Variants in CLDN14 observed in about 807,000 individuals in gnomAD.
CLDN14 encodes claudin 14, also known as claudin-14.
Under a neutral mutation model 2.1 loss-of-function variants are expected in CLDN14, and 2 were observed. The observed-to-expected ratio is 0.96, with a 90% CI of 0.39 to 3.01. The LOEUF (loss-of-function observed/expected upper bound fraction) is 3.01. CLDN14 is among the 30% of genes most tolerant of loss of function. The pLI is 0.09. For synonymous variants in CLDN14, 136 were observed against 154.4 expected (o/e 0.88, Z 0.88); for missense variants, 298 against 328.0 (o/e 0.91, Z 0.71).
intron 1 of CLDN14, among the ~76,000 whole-genome samples, chr21:36,472,277 A>G (rs762285429): frequency 6.6e-6 from 1 of 152,290 alleles, no homozygotes; most frequent in East Asian, 1.9e-4. Flanking sequence ...GTCAGTTTCT[A>G]TATTCAGGTG....
intron 2 of CLDN14, among the ~76,000 whole-genome samples, chr21:36,491,830 G>A (rs1395127258): frequency 6.6e-6 from 1 of 152,092 alleles, no homozygotes; most frequent in Admixed American, 6.6e-5. Flanking sequence ...TGGACAGGCC[G>A]CCTCTCTTCC....
chr21:36,570,912 G>T (rs1215262690), intron 1 of CLDN14, among the ~76,000 whole-genome samples: 2 of 152,198 alleles, frequency 1.3e-5, no homozygotes, highest in African/African-American at 4.8e-5. Context: ...CGTGATCTTA[G>T]CTCACTGCAA....
intron 1 of CLDN14, among the ~76,000 whole-genome samples, chr21:36,513,902 G>A (rs1019814270): frequency 5.9e-5 from 9 of 152,080 alleles, no homozygotes; most frequent in Non-Finnish European, 1.2e-4. Context: ...CACGACCTCC[G>A]CTCGCTGCAG....
In CLDN14 at chr21:36,551,211, C is replaced by A. The variant is rs1002213525; in HGVS notation, c.-220+25200G>T. On this transcript the variant is annotated intron_variant, in intron 1 of 2. Transcript: ENST00000342108. The surrounding 1 kb of genome is among the most constrained non-coding windows in gnomAD (Gnocchi z 4.8). The stretch of plus-strand genomic sequence containing the variant: ...ACAATAAATCTCTTGTACTTTGTTA[C>A]AACTGTCCTTAGCAAACAAATCCAG... Among the ~76,000 whole-genome samples, 2 of 152,242 alleles carry A rather than the reference C, an allele frequency of 1.3e-5. No individual in the cohort carries two copies. The highest frequency in any genetic ancestry group is 2.9e-5 in the Non-Finnish European group (2 of 68,050).
chr21:36,550,409 T>G (rs9983786), intron 1 of CLDN14, among the ~76,000 whole-genome samples: 21,559 of 152,128 alleles, frequency 0.14, 1,779 homozygotes, highest in Non-Finnish European at 0.19. Context: ...GGTGTGGAAA[T>G]AGAGCTCAGG....
intron 1 of CLDN14, among the ~76,000 whole-genome samples, chr21:36,563,670 G>A (rs1259653061): frequency 6.6e-6 from 1 of 152,190 alleles, no homozygotes; most frequent in African/African-American, 2.4e-5. Flanking sequence ...ATTAGAAAAT[G>A]TTGGCTCCCA....
intron 2 of CLDN14, among the ~76,000 whole-genome samples, chr21:36,494,392 C>T (rs1354744345): frequency 6.6e-6 from 1 of 152,180 alleles, no homozygotes; most frequent in Non-Finnish European, 1.5e-5. Context: ...GAGAGGGTCT[C>T]ACGAGGAGGA....
At chr21:36,482,720 G>A (rs919431368), upstream of CLDN14, among the ~76,000 whole-genome samples, 8 of 152,154 alleles carry the variant, frequency 5.3e-5, no homozygotes, top group African/African-American at 1.9e-4. Context: ...TAACTTGCTA[G>A]AGTAAAGGTT....
At chr21:36,502,775 G>A (rs2087101766) in intron 2 of CLDN14, among the ~76,000 whole-genome samples, 1 of 152,268 alleles carries the variant, frequency 6.6e-6, no homozygotes, top group East Asian at 1.9e-4. Context: ...ATAAAGATAC[G>A]AGTTGTCTAC....
rs988384648 is a variant in CLDN14, at chr21:36,551,089, G to T, written c.-220+25322C>A. Among the ~76,000 whole-genome samples, 1 of 152,196 alleles carries T rather than the reference G, an allele frequency of 6.6e-6. No individual in the cohort carries two copies. Among genetic ancestry groups the T allele is most frequent in the African/African-American group, 2.4e-5 (1 of 41,464 alleles). The stretch of plus-strand genomic sequence containing the variant: ...GTGGCCAGCCGGCAGCCACCAGAGT[G>T]GGGAGGGGGCACGGAACAGACTCCC... On this transcript the variant is annotated intron_variant, in intron 1 of 2. Coordinates refer to the CLDN14 transcript ENST00000342108. This position sits in a 1 kb window ranked among gnomAD's most constrained non-coding sequence, Gnocchi z 4.8.
intron 1 of CLDN14, among the ~76,000 whole-genome samples, chr21:36,465,068 A>G (rs977184833): frequency 2.0e-5 from 3 of 152,140 alleles, no homozygotes; most frequent in African/African-American, 7.2e-5. Context: ...AGGGACCTTC[A>G]GGGCTGAAAC....
intron 1 of CLDN14, among the ~76,000 whole-genome samples, chr21:36,467,582 C>T (rs910089593): frequency 6.6e-6 from 1 of 152,010 alleles, no homozygotes; most frequent in African/African-American, 2.4e-5. Context: ...AGTGATTTTA[C>T]TGCAAGTTCT....
intron 1 of CLDN14, among the ~76,000 whole-genome samples, chr21:36,545,096 G>C (rs1394726444): frequency 2.0e-5 from 3 of 152,208 alleles, no homozygotes; most frequent in Admixed American, 2.0e-4. Context: ...TGAAGCCCAT[G>C]GAGAGAGGGA....
At chr21:36,503,609 T>C (rs529695733) in intron 2 of CLDN14, among the ~76,000 whole-genome samples, 1 of 152,228 alleles carries the variant, frequency 6.6e-6, no homozygotes, top group Non-Finnish European at 1.5e-5. Flanking sequence ...CATGGAACTA[T>C]GAGTTTTCCA....
intron 2 of CLDN14, among the ~76,000 whole-genome samples, chr21:36,494,257 C>T (rs184308885): frequency 5.9e-5 from 9 of 152,254 alleles, no homozygotes; most frequent in East Asian, 1.9e-4. Context: ...ACAGGACTGA[C>T]GAGAGTGGTA....
intron 1 of CLDN14, among the ~76,000 whole-genome samples, chr21:36,523,787 GAAAGAAAGAA>G (rs2087296228): frequency 3.5e-5 from 2 of 56,370 alleles, no homozygotes; most frequent in Non-Finnish European, 6.7e-5. Flanking sequence ...AAGAGAGAAA[GAAAGAAAGAA>G]AGAAAGAAAG....
At chr21:36,493,060 A>G (rs560381609) in intron 2 of CLDN14, among the ~76,000 whole-genome samples, 1 of 152,346 alleles carries the variant, frequency 6.6e-6, no homozygotes, top group South Asian at 2.1e-4. Flanking sequence ...GAAGACCATG[A>G]GCAGGACAGA....
At chr21:36,514,864 G>T (rs1601619337) in intron 1 of CLDN14, among the ~76,000 whole-genome samples, 1 of 152,044 alleles carries the variant, frequency 6.6e-6, no homozygotes, top group Admixed American at 6.5e-5. Context: ...TGAAGTCAAG[G>T]AAGACTTGCT....
intron 1 of CLDN14, among the ~76,000 whole-genome samples, chr21:36,575,632 G>A (rs55885155): frequency 0.016 from 2,446 of 152,296 alleles, 31 homozygotes; most frequent in Non-Finnish European, 0.025. Context: ...TTGGCAATAG[G>A]TACAGTGCTC....
Sources: gnomAD v4.1 joint callset for allele counts (sites outside exome capture counted in the v4.1 genomes callset) on GRCh38, gnomAD v4.1.1 for gene constraint, Gnocchi (gnomAD v3.1) non-coding constraint, MANE v1.5 for transcripts, NCBI Gene and HGNC (gene_info 2026-07-23, HGNC 2026-07-21) for gene names.